Variants in RHBDD1 observed in about 807,000 individuals in gnomAD.
The protein encoded by RHBDD1 is rhomboid-related protein 4.
In RHBDD1, 38 loss-of-function variants were observed where a neutral mutation model predicts 36.3. That is an observed-to-expected ratio of 1.05 (90% CI 0.81 to 1.37). The LOEUF (loss-of-function observed/expected upper bound fraction) is 1.37. RHBDD1 is among the 40% of genes most tolerant of loss of function. The probability of loss-of-function intolerance (pLI) is 0.00; values close to 1 mark genes in which losing one functional copy is unlikely to be tolerated. For missense variants in RHBDD1, 393 were observed against 377.6 expected (o/e 1.04, Z -0.34); for synonymous variants, 151 against 136.5 (o/e 1.11, Z -0.74).
intron 8 of RHBDD1, among the ~76,000 whole-genome samples, chr2:226,986,372 C>A (rs1457733830): frequency 6.6e-6 from 1 of 152,106 alleles, no homozygotes; most frequent in East Asian, 1.9e-4. Context: ...TTAGTTTCGA[C>A]AAATGTACTG....
chr2:226,867,437 A>G, intron 5 of RHBDD1, 119 bp downstream of exon 5: 1 of 1,243,052 alleles, frequency 8.0e-7, no homozygotes. Flanking sequence ...TTTATCTATT[A>G]GGACAGAATC....
chr2:226,924,411 T>TC (rs1294757595), intron 8 of RHBDD1, among the ~76,000 whole-genome samples: 1 of 152,146 alleles, frequency 6.6e-6, no homozygotes, highest in African/African-American at 2.4e-5. Context: ...TCTTTACTCT[T>TC]CCGTTTTCTC....
chr2:226,923,992 T>C (rs922147240), intron 8 of RHBDD1, among the ~76,000 whole-genome samples: 1 of 152,102 alleles, frequency 6.6e-6, no homozygotes, highest in African/African-American at 2.4e-5. Flanking sequence ...TGCCTGATGC[T>C]CTACCCTGCT....
At chr2:226,860,771 A>G (rs185934283) in intron 3 of RHBDD1, among the ~76,000 whole-genome samples, 9 of 152,348 alleles carry the variant, frequency 5.9e-5, no homozygotes, top group Admixed American at 5.2e-4. Flanking sequence ...TTGTTTACAA[A>G]GGTGGAGCCC....
At chr2:226,970,567 C>A (rs185682789) in intron 8 of RHBDD1, among the ~76,000 whole-genome samples, 4 of 152,308 alleles carry the variant, frequency 2.6e-5, no homozygotes, top group African/African-American at 9.6e-5. Context: ...AGGTCCATTT[C>A]TCTTCTCAGG....
intron 8 of RHBDD1, among the ~76,000 whole-genome samples, chr2:226,961,647 C>T (rs1381413709): frequency 6.6e-6 from 1 of 152,112 alleles, no homozygotes; most frequent in East Asian, 1.9e-4. Context: ...CAAGCCCTAA[C>T]TGACCCCAGA....
intron 8 of RHBDD1, among the ~76,000 whole-genome samples, chr2:226,938,599 A>G (rs1950490119): frequency 6.6e-6 from 1 of 152,184 alleles, no homozygotes; most frequent in South Asian, 2.1e-4. Context: ...GAAGAGACCA[A>G]TAACAAGTTC....
chr2:226,802,068 G>A, the RHBDD1 span, among the ~76,000 whole-genome samples: 6 of 151,950 alleles, frequency 3.9e-5, no homozygotes, highest in African/African-American at 1.2e-4. Flanking sequence ...TACCTCTATG[G>A]GGGAAAAATA....
intron 3 of RHBDD1, among the ~76,000 whole-genome samples, chr2:226,851,296 A>AC (rs905935775): frequency 6.0e-5 from 9 of 151,198 alleles, no homozygotes; most frequent in South Asian, 2.1e-4. Flanking sequence ...CTAAACACAT[A>AC]CCCCCCCAAT....
At chr2:226,816,205 AT>A in the RHBDD1 span, among the ~76,000 whole-genome samples, 3 of 152,088 alleles carry the variant, frequency 2.0e-5, no homozygotes, top group African/African-American at 4.8e-5. Flanking sequence ...TAAGGATATT[AT>A]ACAGTGGCAT....
chr2:226,838,006 A>G (rs1159549938), intron 1 of RHBDD1, 67 bp from the exon 2 acceptor site: 1 of 152,250 alleles, frequency 6.6e-6, no homozygotes, highest in Non-Finnish European at 1.5e-5. Context: ...AGGAAGGATC[A>G]CAGGAGTGCC....
At chr2:226,970,725 T>C (rs1953309433) in intron 8 of RHBDD1, among the ~76,000 whole-genome samples, 1 of 152,226 alleles carries the variant, frequency 6.6e-6, no homozygotes. Context: ...TATTTGATTC[T>C]CAAAACTGCC....
At chr2:226,960,090 T>C (rs1439766777) in intron 8 of RHBDD1, among the ~76,000 whole-genome samples, 4 of 152,192 alleles carry the variant, frequency 2.6e-5, no homozygotes, top group African/African-American at 7.2e-5. Context: ...CCCTAAGTGC[T>C]GGGATTACAG....
chr2:226,881,726 C>T (rs1380034555), intron 5 of RHBDD1, among the ~76,000 whole-genome samples: 1 of 152,192 alleles, frequency 6.6e-6, no homozygotes, highest in Non-Finnish European at 1.5e-5. Flanking sequence ...GCTTTCCCAT[C>T]CTGGCCAACT....
At chr2:226,983,987 C>T (rs182944171) in intron 8 of RHBDD1, among the ~76,000 whole-genome samples, 6 of 152,286 alleles carry the variant, frequency 3.9e-5, no homozygotes, top group East Asian at 1.9e-4. Context: ...TGTCCCTGCT[C>T]GTATAGGAGG....
intron 7 of RHBDD1, among the ~76,000 whole-genome samples, chr2:226,911,541 C>CTTTT (rs869309466): frequency 2.7e-4 from 19 of 71,360 alleles, no homozygotes; most frequent in Admixed American, 6.1e-4. Flanking sequence ...TGTGAAAGTT[C>CTTTT]TTTTTTTTTT....
chr2:226,888,397 G>T (rs1227084102), intron 5 of RHBDD1, among the ~76,000 whole-genome samples: 1 of 147,694 alleles, frequency 6.8e-6, no homozygotes, highest in African/African-American at 2.6e-5. Context: ...TTTGGATCAT[G>T]AAATCTCAGT....
chr2:226,962,460 CATTCATAA>C (rs1174069381), intron 8 of RHBDD1, among the ~76,000 whole-genome samples: 1 of 152,196 alleles, frequency 6.6e-6, no homozygotes, highest in Non-Finnish European at 1.5e-5. Context: ...AAAGGAGACC[CATTCATAA>C]ATTTGCTAAT....
chr2:226,911,735 G>A (rs972857157), intron 7 of RHBDD1, among the ~76,000 whole-genome samples: 7 of 151,950 alleles, frequency 4.6e-5, no homozygotes, highest in Non-Finnish European at 1.0e-4. Flanking sequence ...AAAATGGTAA[G>A]ATCCAAGTTC....
Sources: allele counts gnomAD v4.1 joint callset (sites outside exome capture counted in the v4.1 genomes callset), GRCh38; gene constraint gnomAD v4.1.1; transcripts MANE v1.5; gene names NCBI Gene and HGNC (gene_info 2026-07-23, HGNC 2026-07-21).